Variants in SUPT6H observed in about 807,000 individuals in gnomAD.
The protein encoded by SUPT6H is transcription elongation factor SPT6.
Under a neutral mutation model 222.3 loss-of-function variants are expected in SUPT6H, and 11 were observed. The ratio of observed to expected loss-of-function variants is 0.05; its 90% CI spans 0.03 to 0.08. The LOEUF (loss-of-function observed/expected upper bound fraction) is 0.08. SUPT6H is among the 10% of genes least tolerant of loss of function. SUPT6H has a pLI of 1.00. For synonymous variants in SUPT6H, 762 were observed against 801.2 expected (o/e 0.95, Z 0.83); for missense variants, 1,422 against 2,216.0 (o/e 0.64, Z 7.19).
chr17:28,689,953 TG>T, intron 25 of SUPT6H, 128 bp from the exon 26 acceptor site: 1 of 1,233,902 alleles, frequency 8.1e-7, no homozygotes, highest in Non-Finnish European at 1.1e-6. Context: ...TAAATGTTGA[TG>T]GAAAGAAAAG....
chr17:28,684,984 C>T (rs1597706072), intron 19 of SUPT6H, 23 bp downstream of exon 19: 3 of 1,596,064 alleles, frequency 1.9e-6, no homozygotes, highest in East Asian at 2.2e-5. Flanking sequence ...GACGAGGATA[C>T]TAAGTGTACA....
rs544528324 is a variant in SUPT6H at position 28,682,135 on chromosome 17, C to G, written c.1597+155C>G. ...ATTAGCTGGTCTTTAAAAATACTCC[C>G]TCTCCAAACCCATTCCCGCCCGACA... On this transcript the variant is annotated intron_variant, in intron 13 of 36. Coordinates refer to ENST00000314616, the MANE Select transcript of SUPT6H (RefSeq NM_003170.5). 3 of 572,110 alleles carry G rather than the reference C, an allele frequency of 5.2e-6. No individual in the cohort carries two copies. In the East Asian group the frequency reaches 8.7e-5, roughly 17 times the overall value. 35.4% of individuals were successfully genotyped at this position (572,110 alleles called of 1,614,324 possible). A position where few individuals can be genotyped will look rare whatever the true frequency, so the allele number is the denominator to read the frequency against.
intron 1 of SUPT6H, among the ~76,000 whole-genome samples, chr17:28,668,005 C>T (rs1254958675): frequency 6.6e-6 from 1 of 152,130 alleles, no homozygotes. Context: ...TAATTGCCTA[C>T]TACAACTTCT....
intron 27 of SUPT6H, chr17:28,691,789 G>A (rs2031659345): frequency 6.6e-6 from 1 of 151,642 alleles, no homozygotes; most frequent in South Asian, 2.1e-4. Flanking sequence ...GATGGAGCTT[G>A]CAGTGAGCCA....
chr17:28,677,026 C>T (rs907140405), intron 7 of SUPT6H, among the ~76,000 whole-genome samples: 1 of 150,872 alleles, frequency 6.6e-6, no homozygotes, highest in African/African-American at 2.4e-5. Flanking sequence ...GTCAGGAGTT[C>T]GAGACCAGCC....
At position 28,678,811 on chromosome 17, in the gene SUPT6H, T is replaced by C; in HGVS notation, c.1207-10T>C. The stretch of plus-strand genomic sequence containing the variant: ...ACACAAGCTCTCATTCCTGCCCTAC[T>C]TCACCTTAGTGGACCCAGCTGCGGA... On this transcript the variant is annotated splice_polypyrimidine_tract_variant and intron_variant, in intron 10 of 36. Coordinates refer to ENST00000314616, the MANE Select transcript of SUPT6H (RefSeq NM_003170.5). 1.9e-6 allele frequency: 3 copies of C among 1,614,130 alleles called. No homozygotes were observed. Among genetic ancestry groups the C allele is most frequent in the African/African-American group, 1.3e-5 (1 of 75,034 alleles).
chr17:28,700,275 G>A (rs1438769798), intron 34 of SUPT6H, 25 bp downstream of exon 34: 17 of 1,614,202 alleles, frequency 1.1e-5, no homozygotes, highest in Non-Finnish European at 1.4e-5. Flanking sequence ...CCTGGGACTG[G>A]AGGTGGGAAG....
In SUPT6H at chr17:28,700,440, T is replaced by C. The variant is rs751683973; in HGVS notation, c.4734T>C (p.Asn1578=). The change falls in exon 35 of 37, where the codon AAT becomes AAC. Residue 1578 remains asparagine, a synonymous_variant. Transcript: ENST00000314616. The part of the protein sequence containing the change: ...AAVTGQGQNP[N]ATPAQWASSQ... ...TGACAGGCCAAGGACAGAACCCTAA[T>C]GCCACCCCAGCCCAGTGGGCCTCCA... 8 of 1,614,128 alleles carry C rather than the reference T, an allele frequency of 5.0e-6. No individual in the cohort carries two copies. The African/African-American group carries it at 8.0e-5, about 16-fold the overall frequency.
At chr17:28,676,131 C>T in intron 6 of SUPT6H, 26 bp from the exon 7 acceptor site, 1 of 1,553,478 alleles carries the variant, frequency 6.4e-7, no homozygotes, top group East Asian at 2.2e-5. Flanking sequence ...GAACCTGAGC[C>T]ACCTGCCTCT....
At chr17:28,691,091 G>A in intron 27 of SUPT6H, 28 bp downstream of exon 27, 2 of 1,605,674 alleles carry the variant, frequency 1.2e-6, no homozygotes, top group South Asian at 1.1e-5. Flanking sequence ...ATCCTGCTCA[G>A]TGGATTTCCT....
intron 1 of SUPT6H, 139 bp downstream of exon 1, chr17:28,662,481 G>A (rs1299540161): frequency 6.6e-6 from 1 of 152,560 alleles, no homozygotes; most frequent in African/African-American, 2.4e-5. Context: ...CCTGCTCTAT[G>A]GGGGGAAGGG....
At chr17:28,663,827 C>CCTTTTTTTTTTTTTT (rs1567681347) in intron 1 of SUPT6H, among the ~76,000 whole-genome samples, 14 of 8,396 alleles carry the variant, frequency 1.7e-3, no homozygotes, top group East Asian at 5.1e-3. Flanking sequence ...CTGCCCACTC[C>CCTTTTTTTTTTTTTT]ATTTTTTTTT....
At chr17:28,700,019 T>C (rs992551410) in intron 33 of SUPT6H, 126 bp downstream of exon 33, 3 of 1,390,244 alleles carry the variant, frequency 2.2e-6, no homozygotes, top group African/African-American at 1.4e-5. Context: ...TTACTCCTCC[T>C]GCAGCCTCCC....
chr17:28,676,220 C>A lies in SUPT6H; in HGVS notation c.687C>A (p.Tyr229Ter). Residue 229 changes from tyrosine to a stop codon, truncating the protein, a stop_gained, in exon 7 of 37, where the codon TAC becomes TAA. Coordinates refer to ENST00000314616, the MANE Select transcript of SUPT6H (RefSeq NM_003170.5). LOFTEE classifies it high-confidence loss of function. ...TTGACTATGATGAATTTGAGAAATA[C>A]AATGAGTATGATGAAGAACTGGAGG... ...VDFDYDEFEK[Y>*]NEYDEELEEE... The A allele has an allele frequency of 6.2e-7, 1 of 1,612,432 alleles. No homozygotes were observed. The highest frequency in any genetic ancestry group is 8.5e-7 in the Non-Finnish European group (1 of 1,179,438).
Position 28,678,831 on chromosome 17 carries a change from T to A in SUPT6H, c.1217T>A (p.Leu406Gln). The change falls in exon 11 of 37, where the codon CTG (leucine) becomes CAG (glutamine). Residue 406 changes from leucine (L) to glutamine (Q), a missense_variant. By Grantham distance (113) the Leu-to-Gln change is moderately radical (BLOSUM62 -2). Around this residue, in one of 13 missense-constraint regions of SUPT6H, gnomAD observed 389 missense variants for 544.6 expected, o/e 0.71. Transcript: ENST00000314616. ...CCTACTTCACCTTAGTGGACCCAGC[T>A]GCGGATCCGTAAAGAGAACCTAACA... ...VWQWDEKWTQ[L>Q]RIRKENLTRL... is the part of the protein sequence containing the mutation. 1 of 1,614,126 alleles carries A rather than the reference T, an allele frequency of 6.2e-7. No homozygotes were observed. The highest frequency in any genetic ancestry group is 8.5e-7 in the Non-Finnish European group (1 of 1,180,028).
intron 1 of SUPT6H, among the ~76,000 whole-genome samples, chr17:28,669,471 C>T (rs1267140739): frequency 1.3e-5 from 2 of 152,178 alleles, no homozygotes; most frequent in Admixed American, 6.5e-5. Context: ...TGAGCCACAG[C>T]ACTCGGCCGA....
At chr17:28,663,827 C>CTTTTTTTTTTTTT (rs1567681347) in intron 1 of SUPT6H, among the ~76,000 whole-genome samples, 102 of 8,402 alleles carry the variant, frequency 0.012, 8 homozygotes, top group African/African-American at 0.033. Flanking sequence ...CTGCCCACTC[C>CTTTTTTTTTTTTT]ATTTTTTTTT....
At chr17:28,684,277 C>G (rs1404642142) in intron 17 of SUPT6H, among the ~76,000 whole-genome samples, 2 of 152,178 alleles carry the variant, frequency 1.3e-5, no homozygotes, top group African/African-American at 2.4e-5. Flanking sequence ...GAAGCATAAT[C>G]TGAGAGGGAA....
chr17:28,689,972 C>A, intron 25 of SUPT6H, 110 bp from the exon 26 acceptor site: 1 of 1,346,628 alleles, frequency 7.4e-7, no homozygotes, highest in Non-Finnish European at 1.0e-6. Flanking sequence ...AAGAAGAAGC[C>A]CTGACAGAAA....
Sources: gnomAD v4.1 joint callset for allele counts (sites outside exome capture counted in the v4.1 genomes callset) on GRCh38, gnomAD v4.1.1 for gene constraint, gnomAD v4.1.1 regional missense constraint, MANE v1.5 for transcripts, NCBI Gene and HGNC (gene_info 2026-07-23, HGNC 2026-07-21) for gene names.